WDPCP: variants seen among roughly 807,000 people sequenced by gnomAD.
WDPCP encodes the protein WD repeat containing planar cell polarity effector.
A neutral mutation model predicts 93.1 loss-of-function variants in WDPCP; 71 were observed. That is an observed-to-expected ratio of 0.76 (90% CI 0.63 to 0.93). WDPCP has a LOEUF of 0.93. Ranked by LOEUF, WDPCP falls within the 40% of genes least tolerant of loss-of-function variation. The pLI is 0.00. For synonymous variants in WDPCP, 315 were observed against 315.0 expected, an observed-to-expected ratio of 1.00 and a Z score of 0.00; for missense variants, 844 against 887.4, an observed-to-expected ratio of 0.95 and a Z score of 0.62.
At chr2:63,751,531 C>G (rs1669882706) in intron 2 of WDPCP, among the ~76,000 whole-genome samples, 1 of 152,136 alleles carries the variant, frequency 6.6e-6, no homozygotes, top group Admixed American at 6.5e-5. Context: ...GTTTTTTGCC[C>G]ATACACATGA....
intron 1 of WDPCP, among the ~76,000 whole-genome samples, chr2:63,530,443 C>T (rs1703738849): frequency 6.6e-6 from 1 of 151,768 alleles, no homozygotes; most frequent in African/African-American, 2.4e-5. Context: ...TATTTCAGGG[C>T]AGGTATGCTT....
intron 1 of WDPCP, among the ~76,000 whole-genome samples, chr2:63,547,395 C>A (rs1309862362): frequency 2.0e-5 from 3 of 152,112 alleles, no homozygotes; most frequent in Non-Finnish European, 4.4e-5. Context: ...TATGATCCAG[C>A]AATTCCACTA....
intron 17 of WDPCP, among the ~76,000 whole-genome samples, chr2:63,140,084 T>G (rs770252948): frequency 8.5e-5 from 13 of 152,146 alleles, no homozygotes; most frequent in South Asian, 2.1e-4. Flanking sequence ...TTTCCCCACT[T>G]TATGTTTTTG....
chr2:63,450,475 C>T (rs1698164643), intron 6 of WDPCP, among the ~76,000 whole-genome samples: 1 of 152,158 alleles, frequency 6.6e-6, no homozygotes, highest in Non-Finnish European at 1.5e-5. Context: ...TGAACCCACT[C>T]ACACACCTGG....
chr2:63,701,441 G>C (rs1158902391), intron 2 of WDPCP, among the ~76,000 whole-genome samples: 1 of 152,178 alleles, frequency 6.6e-6, no homozygotes, highest in South Asian at 2.1e-4. Flanking sequence ...AAACTGTATA[G>C]AAGTTCCTCA....
chr2:63,337,772 C>A (rs917673383), intron 12 of WDPCP, among the ~76,000 whole-genome samples: 1 of 152,100 alleles, frequency 6.6e-6, no homozygotes, highest in Admixed American at 6.6e-5. Context: ...AGTTTTTCCA[C>A]ATATATGTTG....
chr2:63,236,266 C>A (rs557112026), intron 14 of WDPCP, among the ~76,000 whole-genome samples: 35 of 152,126 alleles, frequency 2.3e-4, no homozygotes, highest in African/African-American at 8.4e-4. Flanking sequence ...TAAGAATACA[C>A]CTAACCAAGA....
At chr2:63,695,088 A>G (rs927233706) in intron 2 of WDPCP, among the ~76,000 whole-genome samples, 5 of 152,236 alleles carry the variant, frequency 3.3e-5, no homozygotes, top group African/African-American at 4.8e-5. Context: ...ATTTGGCATT[A>G]TCTTATTTCT....
intron 2 of WDPCP, chr2:63,684,386 G>A: frequency 2.6e-6 from 2 of 755,610 alleles, no homozygotes; most frequent in South Asian, 1.4e-5. Context: ...TCATCATGAA[G>A]AACATTGATG....
chr2:63,199,714 T>A (rs892338107), intron 14 of WDPCP, among the ~76,000 whole-genome samples: 6 of 152,204 alleles, frequency 3.9e-5, no homozygotes, highest in Non-Finnish European at 5.9e-5. Flanking sequence ...ACTACAGCAG[T>A]GCAGATGGGA....
intron 13 of WDPCP, among the ~76,000 whole-genome samples, chr2:63,284,347 A>G (rs1683822296): frequency 6.6e-6 from 1 of 152,186 alleles, no homozygotes; most frequent in Non-Finnish European, 1.5e-5. Flanking sequence ...AATCCTATAT[A>G]TACTGTGCAT....
intron 1 of WDPCP, among the ~76,000 whole-genome samples, chr2:63,545,747 G>A (rs1444259722): frequency 2.0e-5 from 3 of 151,646 alleles, no homozygotes; most frequent in African/African-American, 7.3e-5. Flanking sequence ...ATTCTCTAGA[G>A]GCTGAAGGTA....
intron 3 of WDPCP, chr2:63,595,304 A>G (rs1709286044): frequency 2.8e-6 from 2 of 723,162 alleles, no homozygotes; most frequent in African/African-American, 1.7e-5. Flanking sequence ...AATAATCATC[A>G]TGACTAATTA....
chr2:63,242,226 T>C (rs1679911546), intron 14 of WDPCP, among the ~76,000 whole-genome samples: 2 of 152,156 alleles, frequency 1.3e-5, no homozygotes, highest in Non-Finnish European at 2.9e-5. Context: ...GATGGCAACT[T>C]ATAATGCTAC....
At chr2:63,371,706 C>T (rs911426561) in intron 12 of WDPCP, among the ~76,000 whole-genome samples, 3 of 151,932 alleles carry the variant, frequency 2.0e-5, no homozygotes, top group Non-Finnish European at 4.4e-5. Flanking sequence ...AAACCTTTTT[C>T]ATAACAATTT....
chr2:63,542,865 ACCT>A (rs1219820161), intron 1 of WDPCP, among the ~76,000 whole-genome samples: 1 of 152,088 alleles, frequency 6.6e-6, no homozygotes, highest in Non-Finnish European at 1.5e-5. Flanking sequence ...TTCCCTTCAA[ACCT>A]CCTCTGCTAA....
intron 12 of WDPCP, among the ~76,000 whole-genome samples, chr2:63,346,702 C>G (rs1262804815): frequency 6.6e-6 from 1 of 152,150 alleles, no homozygotes; most frequent in African/African-American, 2.4e-5. Context: ...TTATGGAGCT[C>G]TTTCTCCACA....
At chr2:63,383,082 AG>A (rs1233610487) in intron 10 of WDPCP, among the ~76,000 whole-genome samples, 13 of 152,168 alleles carry the variant, frequency 8.5e-5, no homozygotes, top group African/African-American at 3.1e-4. Flanking sequence ...TCTATTGAGA[AG>A]AAAAGCTAAC....
chr2:63,430,241 G>T (rs1201586081), intron 9 of WDPCP, among the ~76,000 whole-genome samples: 2 of 151,986 alleles, frequency 1.3e-5, no homozygotes, highest in Non-Finnish European at 2.9e-5. Context: ...AGAGGGAGGA[G>T]GACAAGGACT....
Sources: allele counts gnomAD v4.1 joint callset (sites outside exome capture counted in the v4.1 genomes callset), GRCh38; gene constraint gnomAD v4.1.1; transcripts MANE v1.5; gene names NCBI Gene and HGNC (gene_info 2026-07-23, HGNC 2026-07-21).